Variants in RAB11FIP4 observed in about 807,000 individuals in gnomAD.
The protein encoded by RAB11FIP4 is RAB11 family interacting protein 4.
In RAB11FIP4, 23 loss-of-function variants were observed where a neutral mutation model predicts 74.3. The observed-to-expected ratio is 0.31, with a 90% confidence interval of 0.22 to 0.44. The LOEUF is 0.44. Among genes scored for constraint, RAB11FIP4 ranks in the 20% least tolerant of loss-of-function variants. RAB11FIP4 has a pLI of 1.00. For missense variants in RAB11FIP4, 630 were observed against 863.9 expected (o/e 0.73, Z 3.39); for synonymous variants, 360 against 359.9 (o/e 1.00, Z 0.00).
rs553537523 is a variant in RAB11FIP4, at chr17:31,520,724, G to A, written c.564-442G>A. ...GGGTTTCACCATGTTAGCCAGGATG[G>A]TCTCGATCTCCTGACCTCTGATCCG... On this transcript the variant is annotated intron_variant, in intron 4 of 14. Coordinates refer to ENST00000621161, the MANE Select transcript of RAB11FIP4 (RefSeq NM_032932.6). 3.1e-3 allele frequency among the ~76,000 whole-genome samples: 473 copies of A among 152,208 alleles called. 2 individuals carry two copies. Among genetic ancestry groups the A allele is most frequent in the Middle Eastern group, 0.014 (4 of 294 alleles).
At chr17:31,407,115 G>C (rs2071050652) in intron 1 of RAB11FIP4, among the ~76,000 whole-genome samples, 1 of 130,318 alleles carries the variant, frequency 7.7e-6, no homozygotes, top group Non-Finnish European at 1.6e-5. Flanking sequence ...ACAGTGGTGT[G>C]ATCTTGGCTC....
intron 9 of RAB11FIP4, 104 bp from the exon 10 acceptor site, chr17:31,524,986 T>C: frequency 7.2e-7 from 1 of 1,382,578 alleles, no homozygotes; most frequent in East Asian, 2.5e-5. Flanking sequence ...TCAGTGGACA[T>C]GCCAGTGACT....
intron 3 of RAB11FIP4, among the ~76,000 whole-genome samples, chr17:31,461,796 G>C (rs2071636592): frequency 6.6e-6 from 1 of 151,696 alleles, no homozygotes; most frequent in Non-Finnish European, 1.5e-5. Context: ...CGACTCACTA[G>C]AGATACAGAA....
Position 31,517,805 on chromosome 17 carries a change from G to T in RAB11FIP4, c.491G>T (p.Ser164Ile), listed in dbSNP as rs919300526. 6.4e-7 allele frequency: 1 copy of T among 1,554,240 alleles called. No homozygotes were observed. Among genetic ancestry groups the T allele is most frequent in the Admixed American group, 2.0e-5 (1 of 51,102 alleles). Residue 164 changes from serine to isoleucine, a missense_variant, in exon 4 of 15, where the codon AGC becomes ATC. Coordinates refer to ENST00000621161, the MANE Select transcript of RAB11FIP4 (RefSeq NM_032932.6). ...GACAGCCCCATGGAGAGCACTCAGA[G>T]CCTGGAGGGGTCTGTCGGGAGTCCT... Reference protein sequence around the residue: ...YTDSPMESTQSLEGSVGSPAE... With the variant: ...YTDSPMESTQILEGSVGSPAE...
At chr17:31,433,126 A>T (rs2071325815) in intron 2 of RAB11FIP4, among the ~76,000 whole-genome samples, 1 of 152,186 alleles carries the variant, frequency 6.6e-6, no homozygotes, top group Non-Finnish European at 1.5e-5. Context: ...AGCCTGGGTA[A>T]CAGAGTAAGA....
intron 1 of RAB11FIP4, chr17:31,392,744 G>T (rs997803907): frequency 8.5e-5 from 13 of 152,420 alleles, no homozygotes; most frequent in African/African-American, 2.9e-4. Flanking sequence ...CAGTAGGGTG[G>T]ACGGAGTCAT....
chr17:31,443,538 T>C (rs2071424398), intron 3 of RAB11FIP4, among the ~76,000 whole-genome samples: 1 of 152,226 alleles, frequency 6.6e-6, no homozygotes, highest in South Asian at 2.1e-4. Context: ...TGTCAGTTCC[T>C]CTTGCCCTCC....
At chr17:31,428,345 A>G (rs953103195) in intron 1 of RAB11FIP4, among the ~76,000 whole-genome samples, 14 of 152,160 alleles carry the variant, frequency 9.2e-5, no homozygotes, top group South Asian at 2.1e-4. Flanking sequence ...GGTGCCTGTG[A>G]TGGGTGGTGT....
chr17:31,517,753 C>G lies in RAB11FIP4; in HGVS notation c.439C>G (p.Pro147Ala). 1 of 1,579,584 alleles carries G rather than the reference C, an allele frequency of 6.3e-7. No homozygotes were observed. The highest frequency in any genetic ancestry group is 1.2e-5 in the South Asian group (1 of 86,064). Residue 147 changes from proline to alanine, a missense_variant, in exon 4 of 15, where the codon CCT becomes GCT. Pro to Ala is a conservative substitution (Grantham distance 27). Transcript: ENST00000621161. ...DEEEAMTLAP[P>A]EGPQELYTDS... ...GGAGGAGGCTATGACGCTGGCGCCA[C>G]CTGAGGGCCCCCAGGAGTTGTACAC...
rs2072945857 is a variant in RAB11FIP4 at position 31,535,576 on chromosome 17, C to T, written c.*3844C>T. On this transcript the variant is annotated 3_prime_UTR_variant, in exon 15 of 15. Coordinates refer to ENST00000621161, the MANE Select transcript of RAB11FIP4 (RefSeq NM_032932.6). ...CCGTGGCTGAATGACAGTGAGCTCT[C>T]TTGCTGGGAGGGTTCCTTTTCCTGT... is the stretch of plus-strand genomic sequence containing the variant. 1 of 152,378 alleles carries T rather than the reference C, an allele frequency of 6.6e-6. No homozygotes were observed. The highest frequency in any genetic ancestry group is 1.5e-5 in the Non-Finnish European group (1 of 68,166). 9.4% of individuals were successfully genotyped at this position (152,378 alleles called of 1,614,324 possible).
chr17:31,497,604 A>G (rs965033594), intron 3 of RAB11FIP4, among the ~76,000 whole-genome samples: 1 of 152,054 alleles, frequency 6.6e-6, no homozygotes, highest in African/African-American at 2.4e-5. Flanking sequence ...GTGGGCACCC[A>G]GTCGGCACCT....
At chr17:31,402,133 C>T (rs2070992297) in intron 1 of RAB11FIP4, among the ~76,000 whole-genome samples, 1 of 152,118 alleles carries the variant, frequency 6.6e-6, no homozygotes, top group South Asian at 2.1e-4. Flanking sequence ...CCCCTTAGTC[C>T]ACCCATCTGT....
chr17:31,490,819 A>G (rs1450299257), intron 3 of RAB11FIP4, among the ~76,000 whole-genome samples: 2 of 152,190 alleles, frequency 1.3e-5, no homozygotes, highest in African/African-American at 4.8e-5. Flanking sequence ...ACCTTCCCAA[A>G]GCGCTGGGAC....
At chr17:31,426,309 C>T (rs1263054472) in intron 1 of RAB11FIP4, among the ~76,000 whole-genome samples, 2 of 152,132 alleles carry the variant, frequency 1.3e-5, no homozygotes, top group African/African-American at 4.8e-5. Flanking sequence ...GGGAGCGTTA[C>T]CACTGCAGTG....
At chr17:31,485,412 G>C (rs1168986672) in intron 3 of RAB11FIP4, among the ~76,000 whole-genome samples, 1 of 152,198 alleles carries the variant, frequency 6.6e-6, no homozygotes, top group Non-Finnish European at 1.5e-5. Context: ...GAGGGGGCTT[G>C]ACAGGCCTGA....
At chr17:31,426,159 C>CAA (rs2071247567) in intron 1 of RAB11FIP4, among the ~76,000 whole-genome samples, 1 of 152,158 alleles carries the variant, frequency 6.6e-6, no homozygotes, top group Non-Finnish European at 1.5e-5. Context: ...CACTTTAGTG[C>CAA]AGACAGCCCC....
intron 3 of RAB11FIP4, among the ~76,000 whole-genome samples, chr17:31,437,399 G>A (rs972907396): frequency 7.2e-5 from 11 of 152,142 alleles, no homozygotes; most frequent in African/African-American, 2.7e-4. Context: ...GGACTGGGCA[G>A]GTCCGAATTT....
chr17:31,515,792 T>C (rs1007013389), intron 3 of RAB11FIP4, among the ~76,000 whole-genome samples: 23 of 152,110 alleles, frequency 1.5e-4, no homozygotes, highest in Non-Finnish European at 1.5e-4. Flanking sequence ...TCCTCAGAGG[T>C]GAAGTGGCCC....
chr17:31,505,667 A>G (rs113172359), intron 3 of RAB11FIP4, among the ~76,000 whole-genome samples: 8 of 77,296 alleles, frequency 1.0e-4, no homozygotes, highest in Non-Finnish European at 2.3e-4. Context: ...ATAATTATAT[A>G]ATACATAATT....
Sources: allele counts gnomAD v4.1 joint callset (sites outside exome capture counted in the v4.1 genomes callset), GRCh38; gene constraint gnomAD v4.1.1; transcripts MANE v1.5; gene names NCBI Gene and HGNC (gene_info 2026-07-23, HGNC 2026-07-21).